SATL1: variants seen among roughly 807,000 people sequenced by gnomAD.
SATL1 encodes spermidine/spermine N1-acetyl transferase like 1.
Under a neutral mutation model 51.8 loss-of-function variants are expected in SATL1, and 47 were observed. The ratio of observed to expected loss-of-function variants is 0.91; its 90% confidence interval spans 0.72 to 1.16. SATL1 has a LOEUF of 1.16. Among genes scored for constraint, SATL1 ranks in the 50% most tolerant of loss-of-function variants. SATL1 has a pLI of 0.00. For synonymous variants in SATL1, 176 were observed against 182.4 expected, an observed-to-expected ratio of 0.97 and a Z score of 0.28; for missense variants, 520 against 526.4, an observed-to-expected ratio of 0.99 and a Z score of 0.12.
intron 2 of SATL1, among the ~76,000 whole-genome samples, chrX:85,170,212 C>A (rs1926943427): frequency 9.0e-6 from 1 of 110,821 alleles, no homozygotes; most frequent in Non-Finnish European, 1.9e-5. Flanking sequence ...ATAATCTGTA[C>A]AACAAACCCC....
At chrX:85,146,053 C>T (rs771682495) in intron 2 of SATL1, among the ~76,000 whole-genome samples, 8 of 110,150 alleles carry the variant, frequency 7.3e-5, no homozygotes, top group East Asian at 2.9e-4. Flanking sequence ...CCCGCCACCA[C>T]GCCCGGCAAT....
At chrX:85,168,843 G>T (rs192099590) in intron 2 of SATL1, among the ~76,000 whole-genome samples, 14 of 111,592 alleles carry the variant, frequency 1.3e-4, no homozygotes, top group African/African-American at 4.6e-4. Context: ...GAACAAAGCT[G>T]GAGCTATCAC....
chrX:85,221,208 C>CTCTT (rs200189541), intron 2 of SATL1, among the ~76,000 whole-genome samples: 14,265 of 111,214 alleles, frequency 0.13, 718 homozygotes, highest in South Asian at 0.17. Flanking sequence ...GTCTTTCTGT[C>CTCTT]TCTATCTATA....
intron 6 of SATL1, 23 bp from the exon 7 acceptor site, chrX:85,093,248 T>G (rs1466450830): frequency 8.7e-7 from 1 of 1,149,039 alleles, no homozygotes; most frequent in East Asian, 3.3e-5. Flanking sequence ...CAATGCAAAG[T>G]GAAAACTGCA....
At chrX:85,137,967 G>T (rs1274269630) in intron 2 of SATL1, among the ~76,000 whole-genome samples, 2 of 111,711 alleles carry the variant, frequency 1.8e-5, no homozygotes, top group Non-Finnish European at 3.8e-5. Context: ...CTTCACTTCT[G>T]TCACAGTGTT....
Position 85,108,887 on chromosome X carries a change from C to A in SATL1, c.82G>T (p.Gly28Cys), listed in dbSNP as rs1925183625. 1 of 1,209,720 alleles carries A rather than the reference C, an allele frequency of 8.3e-7. No individual in the cohort carries two copies. The highest frequency in any genetic ancestry group is 1.8e-5 in the African/African-American group (1 of 57,061). ...GINQPSTNSL[G>C]MNQMDMNQGS... Reference sequence around the variant, plus strand: ...TGGTTCATGTCCATTTGGTTCATACCAAGTGAGTTTGTGCTTGGCTGGTTT... The same window carrying A: ...TGGTTCATGTCCATTTGGTTCATACAAAGTGAGTTTGTGCTTGGCTGGTTT... Residue 28 changes from glycine to cysteine, a missense_variant, in exon 3 of 8, where the codon GGT becomes TGT. Gly to Cys is a radical substitution (Grantham distance 159). Coordinates refer to ENST00000644105, the MANE Select transcript of SATL1 (RefSeq NM_001367857.2).
chrX:85,156,555 T>C (rs765098355), intron 2 of SATL1: 2 of 109,570 alleles, frequency 1.8e-5, no homozygotes, highest in Admixed American at 9.8e-5. Context: ...TCAGATCAAA[T>C]TGCACAAATA....
chrX:85,145,081 G>C (rs1926199482), intron 2 of SATL1, among the ~76,000 whole-genome samples: 1 of 110,879 alleles, frequency 9.0e-6, no homozygotes. Context: ...GAGAGCAAGA[G>C]ATGTGGCTGA....
At chrX:85,095,315 TA>T (rs1924672788) in intron 4 of SATL1, among the ~76,000 whole-genome samples, 1 of 111,390 alleles carries the variant, frequency 9.0e-6, no homozygotes, top group Admixed American at 9.6e-5. Flanking sequence ...GGGTGACCAA[TA>T]AACCTCTTGT....
chrX:85,171,473 CTCCTT>C (rs1814734210), intron 2 of SATL1, among the ~76,000 whole-genome samples: 1 of 111,499 alleles, frequency 9.0e-6, no homozygotes, highest in African/African-American at 3.2e-5. Context: ...TAGAAAATCT[CTCCTT>C]TTCTGTTTCT....
At chrX:85,218,117 A>G (rs1928089897) in intron 2 of SATL1, among the ~76,000 whole-genome samples, 1 of 106,466 alleles carries the variant, frequency 9.4e-6, no homozygotes, top group South Asian at 4.2e-4. Context: ...ATCACTTTAG[A>G]GTGGAGAGTA....
chrX:85,193,061 G>T (rs759643632), intron 2 of SATL1, among the ~76,000 whole-genome samples: 1 of 111,693 alleles, frequency 9.0e-6, no homozygotes, highest in Admixed American at 9.6e-5. Flanking sequence ...TGTCTATAAT[G>T]GGAGTTAAGT....
intron 1 of SATL1, among the ~76,000 whole-genome samples, chrX:85,225,790 C>A (rs1461824907): frequency 9.0e-6 from 1 of 111,617 alleles, no homozygotes; most frequent in Non-Finnish European, 1.9e-5. Context: ...AGATTTCTGG[C>A]ATTCAACCCT....
chrX:85,134,104 ATGAG>A (rs2147709047), intron 2 of SATL1, among the ~76,000 whole-genome samples: 1 of 111,372 alleles, frequency 9.0e-6, no homozygotes, highest in South Asian at 3.8e-4. Context: ...CTCCTAATTA[ATGAG>A]TGTTTCAATA....
intron 2 of SATL1, among the ~76,000 whole-genome samples, chrX:85,180,464 C>T (rs111458386): frequency 0.046 from 5,138 of 110,602 alleles, 321 homozygotes; most frequent in African/African-American, 0.16. Flanking sequence ...GTAACTGTAC[C>T]GAACACTGTA....
rs766205888 is a variant in SATL1, at chrX:85,128,284, T to A, written c.-312-19004A>T. 5.2e-3 allele frequency among the ~76,000 whole-genome samples: 582 copies of A among 111,994 alleles called. 3 individuals are homozygous for A. The highest frequency in any genetic ancestry group is 0.018 in the African/African-American group (545 of 30,802). Reference sequence around the variant, plus strand: ...ACCAACAGTGTAAAAGCCTTCCTATTTCTCCACATCCTCTCCAGCACCTGT... The same window carrying A: ...ACCAACAGTGTAAAAGCCTTCCTATATCTCCACATCCTCTCCAGCACCTGT... On this transcript the variant is annotated intron_variant, in intron 2 of 7. Transcript: ENST00000644105.
intron 2 of SATL1, among the ~76,000 whole-genome samples, chrX:85,172,713 G>T: frequency 9.0e-6 from 1 of 110,658 alleles, no homozygotes; most frequent in Non-Finnish European, 1.9e-5. Context: ...CCACTACCTT[G>T]TGTTAAACTA....
chrX:85,133,721 C>T (rs1005383588), intron 2 of SATL1, among the ~76,000 whole-genome samples: 8 of 111,824 alleles, frequency 7.2e-5, no homozygotes, highest in African/African-American at 2.6e-4. Flanking sequence ...AGAAATCACC[C>T]GTCTTCTGTG....
intron 1 of SATL1, among the ~76,000 whole-genome samples, chrX:85,228,423 G>A (rs1928318239): frequency 9.0e-6 from 1 of 111,337 alleles, no homozygotes; most frequent in Admixed American, 9.5e-5. Flanking sequence ...TAAAAAAAAT[G>A]TCTATTGATG....
Sources: allele counts gnomAD v4.1 joint callset (sites outside exome capture counted in the v4.1 genomes callset), GRCh38; gene constraint gnomAD v4.1.1; transcripts MANE v1.5; gene names NCBI Gene and HGNC (gene_info 2026-07-23, HGNC 2026-07-21).